The following DST variants were observed in gnomAD, a reference collection of about 807,000 sequenced individuals.
DST encodes the protein bullous pemphigoid antigen.
DST carries 253 observed loss-of-function variants against 875.2 expected under a neutral mutation model. That is an observed-to-expected ratio of 0.29 (90% CI 0.26 to 0.32). DST has a LOEUF of 0.32. Among genes scored for constraint, DST ranks in the 10% least tolerant of loss-of-function variants. The pLI is 1.00. For missense variants in DST, 8,287 were observed against 9,111.6 expected, an observed-to-expected ratio of 0.91 and a Z score of 3.68; for synonymous variants, 3,124 against 3,197.1, an observed-to-expected ratio of 0.98 and a Z score of 0.77.
Position 56,511,277 on chromosome 6 carries a change from C to T in DST, c.18700G>A (p.Asp6234Asn), listed in dbSNP as rs753185411. The T allele has an allele frequency of 3.7e-5, 59 of 1,601,292 alleles. No homozygotes were observed. Among genetic ancestry groups the T allele is most frequent in the Middle Eastern group, 3.3e-4 (2 of 6,070 alleles). The stretch of plus-strand genomic sequence containing the variant: ...TCTTTAATTTGACTGTAAAGGGTGT[C>T]GGCTGCCACATACTTCTCTTGGATA... ...FSIQEKYVAA[D>N]TLYSQIKEDV... Residue 6234 changes from aspartate (D) to asparagine (N), a missense_variant, in exon 73 of 104, where the codon GAC (aspartate) becomes AAC (asparagine). Physicochemically the swap from Asp to Asn is conservative, Grantham distance 23 (BLOSUM62 1). This residue lies in a region of DST where 1,292 missense variants were observed against 1,552.7 expected (regional missense o/e 0.83). Coordinates refer to ENST00000680361, the MANE Select transcript of DST (RefSeq NM_001374736.1).
chr6:56,465,454 G>A (rs550079897), intron 99 of DST, among the ~76,000 whole-genome samples: 4 of 152,170 alleles, frequency 2.6e-5, no homozygotes, highest in Admixed American at 2.0e-4. Context: ...AACGTAAATT[G>A]GTTGAGAACT....
intron 10 of DST, among the ~76,000 whole-genome samples, chr6:56,669,595 C>CAAAA (rs531095657): frequency 5.6e-5 from 5 of 89,350 alleles, no homozygotes; most frequent in Non-Finnish European, 1.0e-4. Context: ...GACTTCATCT[C>CAAAA]AAAAAAAAAA....
chr6:56,510,575 T>C (rs763684820), intron 73 of DST, among the ~76,000 whole-genome samples: 1 of 152,150 alleles, frequency 6.6e-6, no homozygotes, highest in Non-Finnish European at 1.5e-5. Context: ...AGCAAAGCTA[T>C]AAAAACTTGT....
chr6:56,666,087 A>T (rs185329499), intron 10 of DST, among the ~76,000 whole-genome samples: 1 of 152,272 alleles, frequency 6.6e-6, no homozygotes, highest in East Asian at 1.9e-4. Context: ...TCACATATTA[A>T]TTCTCTCAAG....
chr6:56,556,283 G>A (rs2097416649), intron 59 of DST, among the ~76,000 whole-genome samples: 1 of 152,044 alleles, frequency 6.6e-6, no homozygotes, highest in Non-Finnish European at 1.5e-5. Flanking sequence ...ATGATGCATT[G>A]AGTTGCAAAG....
At chr6:56,561,081 C>A (rs1034072132) in intron 57 of DST, among the ~76,000 whole-genome samples, 4 of 152,118 alleles carry the variant, frequency 2.6e-5, no homozygotes, top group African/African-American at 7.2e-5. Context: ...GTGGCTTACA[C>A]CCAACAGTTT....
chr6:56,511,572 G>A (rs1489855093), intron 72 of DST, among the ~76,000 whole-genome samples, 172 bp from the exon 73 acceptor site: 1 of 152,082 alleles, frequency 6.6e-6, no homozygotes, highest in Non-Finnish European at 1.5e-5. Context: ...AGAAGGTCCT[G>A]ACACAAAGAT....
chr6:56,858,420 G>A (rs970633601), intron 3 of DST, among the ~76,000 whole-genome samples: 6 of 152,288 alleles, frequency 3.9e-5, no homozygotes, highest in Middle Eastern at 6.8e-3. Flanking sequence ...AGGAAACCAA[G>A]CTTGCTGATG....
At chr6:56,943,898 C>A (rs1489187876) in intron 2 of DST, among the ~76,000 whole-genome samples, 1 of 151,986 alleles carries the variant, frequency 6.6e-6, no homozygotes, top group Non-Finnish European at 1.5e-5. Context: ...GGGTGGATCA[C>A]TTGAAGTCAG....
intron 2 of DST, among the ~76,000 whole-genome samples, chr6:56,923,487 A>AAAAAAC: frequency 6.6e-6 from 1 of 151,132 alleles, no homozygotes; most frequent in African/African-American, 2.4e-5. Context: ...AAAAAAAAAA[A>AAAAAAC]ATCCTGATGT....
At chr6:56,618,413 TTGGCTG>T (rs2098651261) in intron 36 of DST, 1 of 1,614,112 alleles carries the variant, frequency 6.2e-7, no homozygotes, top group African/African-American at 1.3e-5. Context: ...GGTACAGTCT[TTGGCTG>T]TGCTCTTTTT....
intron 15 of DST, among the ~76,000 whole-genome samples, chr6:56,645,409 C>T (rs969174711): frequency 3.9e-5 from 6 of 152,168 alleles, no homozygotes; most frequent in Non-Finnish European, 7.4e-5. Flanking sequence ...CCTGAACTAA[C>T]ATTTACTGAG....
At chr6:56,776,762 T>C (rs1258370565) in intron 4 of DST, among the ~76,000 whole-genome samples, 1 of 152,178 alleles carries the variant, frequency 6.6e-6, no homozygotes, top group Non-Finnish European at 1.5e-5. Flanking sequence ...ACTCTACACC[T>C]AAATTATTTA....
intron 36 of DST, chr6:56,618,905 TGC>T: frequency 6.2e-7 from 1 of 1,614,180 alleles, no homozygotes; most frequent in Non-Finnish European, 8.5e-7. Flanking sequence ...ATTTAACTCT[TGC>T]ACCTGAGCTT....
chr6:56,847,602 T>A (rs533747117), intron 4 of DST, among the ~76,000 whole-genome samples: 23 of 152,316 alleles, frequency 1.5e-4, no homozygotes, highest in African/African-American at 5.1e-4. Context: ...GTTCTTGTAG[T>A]TCCATCCCTC....
At chr6:56,896,537 C>A (rs1458791953) in intron 3 of DST, among the ~76,000 whole-genome samples, 2 of 152,172 alleles carry the variant, frequency 1.3e-5, no homozygotes, top group Non-Finnish European at 2.9e-5. Flanking sequence ...AGCATGAAAA[C>A]AAACTAATAC....
At chr6:56,856,836 A>C (rs545379497) in intron 3 of DST, among the ~76,000 whole-genome samples, 171 of 152,304 alleles carry the variant, frequency 1.1e-3, no homozygotes, top group Middle Eastern at 0.01. Context: ...TTATCCATAG[A>C]AGATGCAGGC....
At chr6:56,588,997 G>C (rs2098218629) in intron 49 of DST, among the ~76,000 whole-genome samples, 1 of 152,164 alleles carries the variant, frequency 6.6e-6, no homozygotes, top group Non-Finnish European at 1.5e-5. Flanking sequence ...CACAGGGACA[G>C]TTTATTCATA....
chr6:56,498,038 C>T lies in DST; in HGVS notation c.19912G>A (p.Val6638Ile). 2 of 1,612,198 alleles carry T rather than the reference C, an allele frequency of 1.2e-6. No individual in the cohort carries two copies. The highest frequency in any genetic ancestry group is 1.7e-6 in the Non-Finnish European group (2 of 1,179,050). The change falls in exon 81 of 104, where the codon GTA (valine) becomes ATA (isoleucine). Residue 6638 changes from valine (V) to isoleucine (I), a missense_variant. By Grantham distance (29) the Val-to-Ile change is conservative (BLOSUM62 3). Transcript: ENST00000680361. ...TCCACTGTGGACTGATGGGCTAATA[C>T]ATCATTTTGGAGCACCTGAAAATAT... Reference protein sequence around the residue: ...LAKHHVLQNDVLAHQSTVEAV... With the variant: ...LAKHHVLQNDILAHQSTVEAV...
Sources: gnomAD v4.1 joint callset for allele counts (sites outside exome capture counted in the v4.1 genomes callset) on GRCh38, gnomAD v4.1.1 for gene constraint, gnomAD v4.1.1 regional missense constraint, MANE v1.5 for transcripts, NCBI Gene and HGNC (gene_info 2026-07-23, HGNC 2026-07-21) for gene names.